Variants in ITFG1 observed in about 807,000 individuals in gnomAD.
ITFG1 encodes T-cell immunomodulatory protein.
In ITFG1, 34 loss-of-function variants were observed where a neutral mutation model predicts 81.8. The ratio of observed to expected loss-of-function variants is 0.42; its 90% CI spans 0.32 to 0.55. The LOEUF (loss-of-function observed/expected upper bound fraction) is 0.55. Ranked by LOEUF, ITFG1 falls within the 20% of genes least tolerant of loss-of-function variation. The pLI, the probability that ITFG1 is intolerant of heterozygous loss-of-function variation, is 0.17. For missense variants in ITFG1, 672 were observed against 755.4 expected (o/e 0.89, Z 1.29); for synonymous variants, 285 against 270.6 (o/e 1.05, Z -0.52).
At chr16:47,404,492 C>A (rs1968703207) in intron 6 of ITFG1, among the ~76,000 whole-genome samples, 1 of 151,776 alleles carries the variant, frequency 6.6e-6, no homozygotes, top group South Asian at 2.1e-4. Flanking sequence ...TAATAAATAC[C>A]CTATTCCCTT....
chr16:47,293,357 T>C (rs1966936986), intron 10 of ITFG1, among the ~76,000 whole-genome samples: 2 of 151,942 alleles, frequency 1.3e-5, no homozygotes, highest in Non-Finnish European at 2.9e-5. Context: ...TTATTTTCTA[T>C]TGAGTAGATA....
intron 10 of ITFG1, among the ~76,000 whole-genome samples, chr16:47,287,990 T>C (rs148023195): frequency 8.4e-4 from 128 of 152,304 alleles, no homozygotes; most frequent in Non-Finnish European, 1.7e-3. Context: ...GACATTACTT[T>C]CTCCAGGAAG....
Position 47,327,637 on chromosome 16 carries a change from C to G in ITFG1, c.803-13814G>C, listed in dbSNP as rs1967570702. On this transcript the variant is annotated intron_variant, in intron 8 of 17. Coordinates refer to ENST00000320640, the MANE Select transcript of ITFG1 (RefSeq NM_030790.5). ...CTCAAACAAATTTACAAGAAAAAAA[C>G]AAACAACCTCATCAAAAAGTGGGCA... is the stretch of plus-strand genomic sequence containing the variant. Among the ~76,000 whole-genome samples, 8 of 152,064 alleles carry G rather than the reference C, an allele frequency of 5.3e-5. 1 individual carries two copies. Among genetic ancestry groups the G allele is most frequent in the Admixed American group, 5.2e-4 (8 of 15,252 alleles).
At chr16:47,373,347 A>G (rs1431193873) in intron 7 of ITFG1, among the ~76,000 whole-genome samples, 1 of 152,006 alleles carries the variant, frequency 6.6e-6, no homozygotes, top group Non-Finnish European at 1.5e-5. Flanking sequence ...CAGTGGTGCA[A>G]TCTCGGCTCA....
At chr16:47,168,819 C>G (rs1964924702) in intron 14 of ITFG1, among the ~76,000 whole-genome samples, 1 of 152,110 alleles carries the variant, frequency 6.6e-6, no homozygotes. Context: ...AGATCTACTT[C>G]TATGTTTGCT....
chr16:47,191,106 A>C (rs1219271260), intron 14 of ITFG1, among the ~76,000 whole-genome samples: 1 of 152,200 alleles, frequency 6.6e-6, no homozygotes, highest in Non-Finnish European at 1.5e-5. Context: ...CTGGGGAGGC[A>C]TGAATTATTG....
chr16:47,356,850 A>G (rs1968046530), intron 8 of ITFG1, among the ~76,000 whole-genome samples: 1 of 152,166 alleles, frequency 6.6e-6, no homozygotes, highest in Admixed American at 6.5e-5. Context: ...TTTTCTGCCT[A>G]GGAGTGGCAT....
intron 12 of ITFG1, among the ~76,000 whole-genome samples, chr16:47,241,620 G>C (rs994771209): frequency 6.6e-6 from 1 of 152,166 alleles, no homozygotes; most frequent in Admixed American, 6.6e-5. Context: ...ACATAAAGTA[G>C]ATGAGTGGTT....
At position 47,375,900 on chromosome 16, in the gene ITFG1, G is replaced by T. The variant is rs767979479; in HGVS notation, c.696C>A (p.Phe232Leu). The part of the protein sequence containing the change: ...LTTLNATTST[F>L]QFEIWENLDG... ...CCAAATTTTCCCATATTTCAAACTG[G>T]AAGGTACTAGTGGTGGCATTCAATG... Residue 232 changes from phenylalanine (F) to leucine (L), a missense_variant, in exon 7 of 18, where the codon TTC (phenylalanine) becomes TTA (leucine). Phe to Leu is a conservative substitution (Grantham distance 22, BLOSUM62 0). Transcript: ENST00000320640. The T allele has an allele frequency of 6.2e-7, 1 of 1,606,296 alleles. No individual in the cohort carries two copies. Among genetic ancestry groups the T allele is most frequent in the Admixed American group, 1.7e-5 (1 of 59,942 alleles).
At chr16:47,414,276 A>C (rs1225938632) in intron 6 of ITFG1, among the ~76,000 whole-genome samples, 1 of 150,418 alleles carries the variant, frequency 6.6e-6, no homozygotes, top group Non-Finnish European at 1.5e-5. Context: ...TTTTTATCCC[A>C]GTTCTGGGAG....
intron 13 of ITFG1, among the ~76,000 whole-genome samples, chr16:47,237,620 T>C (rs1248342394): frequency 6.6e-6 from 1 of 152,192 alleles, no homozygotes; most frequent in Non-Finnish European, 1.5e-5. Context: ...GTACACAAGA[T>C]GACATGGTTC....
chr16:47,243,359 C>A (rs1005932171), intron 12 of ITFG1, among the ~76,000 whole-genome samples: 6 of 152,026 alleles, frequency 3.9e-5, no homozygotes, highest in Admixed American at 6.5e-5. Flanking sequence ...TTTTAATAGA[C>A]CATCTGCATT....
chr16:47,455,974 TTAATAA>T (rs1391834044), intron 2 of ITFG1, among the ~76,000 whole-genome samples: 1 of 152,016 alleles, frequency 6.6e-6, no homozygotes, highest in Non-Finnish European at 1.5e-5. Flanking sequence ...AAAGAAATAT[TTAATAA>T]TGTAAGAGTA....
At chr16:47,193,033 G>A (rs1965311831) in intron 14 of ITFG1, among the ~76,000 whole-genome samples, 1 of 152,020 alleles carries the variant, frequency 6.6e-6, no homozygotes. Context: ...GGGGGCAGTG[G>A]TCTGTCCCGT....
chr16:47,172,032 T>C (rs1438694150), intron 14 of ITFG1, among the ~76,000 whole-genome samples: 2 of 152,192 alleles, frequency 1.3e-5, no homozygotes, highest in Non-Finnish European at 1.5e-5. Flanking sequence ...CTAAGACTTA[T>C]ATATAATTAA....
At chr16:47,409,980 G>GA (rs1399820035) in intron 6 of ITFG1, among the ~76,000 whole-genome samples, 1 of 152,010 alleles carries the variant, frequency 6.6e-6, no homozygotes, top group Admixed American at 6.6e-5. Flanking sequence ...TAAAAGACAA[G>GA]AAAAAAACTC....
At chr16:47,422,001 C>T (rs538266690) in intron 6 of ITFG1, among the ~76,000 whole-genome samples, 1 of 152,348 alleles carries the variant, frequency 6.6e-6, no homozygotes, top group African/African-American at 2.4e-5. Flanking sequence ...CTGCGAAGGA[C>T]ATGAACTCAT....
At chr16:47,354,121 T>C (rs1187439634) in intron 8 of ITFG1, among the ~76,000 whole-genome samples, 2 of 152,016 alleles carry the variant, frequency 1.3e-5, no homozygotes, top group African/African-American at 4.8e-5. Flanking sequence ...AGAACAAAGC[T>C]GGGGGGCACC....
chr16:47,196,374 C>T (rs1415983592), intron 14 of ITFG1: 1 of 152,130 alleles, frequency 6.6e-6, no homozygotes, highest in Non-Finnish European at 1.5e-5. Context: ...ATCGTCTGCT[C>T]TTGCAGTTTG....
Sources: allele counts gnomAD v4.1 joint callset (sites outside exome capture counted in the v4.1 genomes callset), GRCh38; gene constraint gnomAD v4.1.1; transcripts MANE v1.5; gene names NCBI Gene and HGNC (gene_info 2026-07-23, HGNC 2026-07-21).